TBC1D5: variants seen among roughly 807,000 people sequenced by gnomAD.
The protein encoded by TBC1D5 is TBC1 domain family, member 5.
TBC1D5 carries 75 observed loss-of-function variants against 100.3 expected under a neutral mutation model. The ratio of observed to expected loss-of-function variants is 0.75; its 90% CI spans 0.62 to 0.91. The LOEUF is 0.91. Among genes scored for constraint, TBC1D5 ranks in the 40% least tolerant of loss-of-function variants. The probability of loss-of-function intolerance (pLI) is 0.00; values close to 1 mark genes in which losing one functional copy is unlikely to be tolerated. For missense variants in TBC1D5, 910 were observed against 942.4 expected (o/e 0.97, Z 0.45); for synonymous variants, 323 against 325.6 (o/e 0.99, Z 0.09).
chr3:17,736,485 G>C (rs2153998570), intron 1 of TBC1D5, among the ~76,000 whole-genome samples: 1 of 152,218 alleles, frequency 6.6e-6, no homozygotes, highest in South Asian at 2.1e-4. Context: ...GGAAGTAAAA[G>C]GGGTCTAGTT....
At chr3:17,631,043 CAAA>C (rs67069718) in intron 1 of TBC1D5, among the ~76,000 whole-genome samples, 3 of 29,406 alleles carry the variant, frequency 1.0e-4, no homozygotes, top group African/African-American at 1.3e-4. Context: ...GACTCCGTCT[CAAA>C]AAAAAAAAAA....
exon 14 of TBC1D5, chr3:17,308,104 C>T (rs768563503): frequency 1.0e-5 from 16 of 1,599,630 alleles, no homozygotes; most frequent in Non-Finnish European, 2.5e-6. Context: ...GCAGGGGGAA[C>T]TCTCGTCCAA....
chr3:17,375,455 T>C (rs943180898), intron 10 of TBC1D5, among the ~76,000 whole-genome samples: 7 of 151,936 alleles, frequency 4.6e-5, no homozygotes, highest in African/African-American at 1.7e-4. Context: ...TAGTCTCAGC[T>C]ACTCGGGAGT....
chr3:17,649,464 CTAAAA>C (rs1180303437), intron 1 of TBC1D5, among the ~76,000 whole-genome samples: 1 of 151,926 alleles, frequency 6.6e-6, no homozygotes, highest in Non-Finnish European at 1.5e-5. Flanking sequence ...ACCTCCAAAC[CTAAAA>C]TAAAAGTTAA....
chr3:17,432,381 T>C (rs1282663324), intron 3 of TBC1D5, among the ~76,000 whole-genome samples: 2 of 152,196 alleles, frequency 1.3e-5, no homozygotes, highest in Non-Finnish European at 2.9e-5. Flanking sequence ...GAATAAAGTA[T>C]ATTCATGTGT....
At chr3:17,233,908 A>G (rs1203791241) in intron 17 of TBC1D5, among the ~76,000 whole-genome samples, 158 bp from the exon 18 acceptor site, 2 of 152,178 alleles carry the variant, frequency 1.3e-5, no homozygotes, top group African/African-American at 4.8e-5. Context: ...AAATATTTTC[A>G]AAGAAAATAA....
Position 17,190,317 on chromosome 3 carries a change from G to A in TBC1D5, c.1753-5109C>T, listed in dbSNP as rs181776507. On this transcript the variant is annotated intron_variant, in intron 18 of 21. Coordinates refer to ENST00000253692, the Ensembl canonical transcript of TBC1D5. The stretch of plus-strand genomic sequence containing the variant: ...GATAAGTTCTGTAGAAGAGACGTGA[G>A]AGAGGACTCCTTACAATTCTGGAAA... 2.3e-3 allele frequency among the ~76,000 whole-genome samples: 354 copies of A among 152,336 alleles called. 3 individuals are homozygous for A. Among genetic ancestry groups the A allele is most frequent in the Middle Eastern group, 3.4e-3 (1 of 294 alleles).
intron 1 of TBC1D5, among the ~76,000 whole-genome samples, chr3:17,722,392 T>C (rs1301248919): frequency 1.3e-5 from 2 of 152,232 alleles, no homozygotes; most frequent in Non-Finnish European, 2.9e-5. Flanking sequence ...ATCTTTCATT[T>C]ATACCTTATG....
rs1329723682 is a variant in TBC1D5, at chr3:17,704,031, C to G, written c.-101+35312G>C. The stretch of plus-strand genomic sequence containing the variant: ...GAAGGTCAGCAGATAAACAAGTGAA[C>G]AAAGGTCTCTGGTTTTCCTAGGCAG... On this transcript the variant is annotated intron_variant, in intron 1 of 21. Transcript: ENST00000253692. 3.5e-5 allele frequency among the ~76,000 whole-genome samples: 5 copies of G among 141,490 alleles called. 1 individual carries two copies. The highest frequency in any genetic ancestry group is 6.1e-5 in the Non-Finnish European group (4 of 65,504). 92.8% of individuals were successfully genotyped at this position (141,490 alleles called of 152,430 possible).
chr3:17,676,507 C>T (rs2068655544), intron 1 of TBC1D5, among the ~76,000 whole-genome samples: 1 of 152,106 alleles, frequency 6.6e-6, no homozygotes, highest in Admixed American at 6.5e-5. Context: ...AAAGAGGACA[C>T]AAACAAATGG....
chr3:17,237,113 C>T (rs556957420), intron 17 of TBC1D5, among the ~76,000 whole-genome samples: 1 of 152,248 alleles, frequency 6.6e-6, no homozygotes, highest in African/African-American at 2.4e-5. Context: ...GACAATATTA[C>T]TCATGTTACT....
At chr3:17,458,370 T>C (rs1305556061) in intron 3 of TBC1D5, among the ~76,000 whole-genome samples, 2 of 152,138 alleles carry the variant, frequency 1.3e-5, no homozygotes, top group African/African-American at 4.8e-5. Flanking sequence ...CACGTGGAGA[T>C]TATTCCCCCT....
intron 1 of TBC1D5, among the ~76,000 whole-genome samples, chr3:17,736,226 T>G (rs1477806415): frequency 1.3e-5 from 2 of 151,992 alleles, no homozygotes; most frequent in African/African-American, 4.8e-5. Flanking sequence ...ACCACTGCAC[T>G]CCAGCCTGAG....
chr3:17,297,744 G>T (rs2082405565), intron 14 of TBC1D5, among the ~76,000 whole-genome samples: 1 of 151,068 alleles, frequency 6.6e-6, no homozygotes, highest in African/African-American at 2.4e-5. Flanking sequence ...CATCATGCCT[G>T]GCTAATTCTT....
chr3:17,245,127 A>G (rs917625000), intron 16 of TBC1D5, among the ~76,000 whole-genome samples: 10 of 151,332 alleles, frequency 6.6e-5, no homozygotes, highest in African/African-American at 2.4e-4. Flanking sequence ...TGGGAGGTCG[A>G]GGCTGCAGTG....
At chr3:17,733,298 C>CT (rs1369122768) in intron 1 of TBC1D5, among the ~76,000 whole-genome samples, 2 of 152,168 alleles carry the variant, frequency 1.3e-5, no homozygotes, top group African/African-American at 4.8e-5. Flanking sequence ...GCTTGGGGAA[C>CT]TTTAAGTAGT....
intron 1 of TBC1D5, among the ~76,000 whole-genome samples, chr3:17,697,166 C>T (rs1321031887): frequency 1.3e-5 from 2 of 152,194 alleles, no homozygotes; most frequent in Non-Finnish European, 2.9e-5. Context: ...TGGGCAACAA[C>T]CGGAAGCATT....
chr3:17,698,160 A>C (rs2072462330), intron 1 of TBC1D5, among the ~76,000 whole-genome samples: 1 of 152,242 alleles, frequency 6.6e-6, no homozygotes, highest in South Asian at 2.1e-4. Context: ...AGGCTACAGT[A>C]ACCAAAGAAG....
intron 13 of TBC1D5, among the ~76,000 whole-genome samples, chr3:17,349,363 C>A (rs897064862): frequency 2.6e-5 from 4 of 152,170 alleles, no homozygotes; most frequent in African/African-American, 9.7e-5. Context: ...GCTGCTGGTT[C>A]TGGGATGACA....
Sources: allele counts gnomAD v4.1 joint callset (sites outside exome capture counted in the v4.1 genomes callset), GRCh38; gene constraint gnomAD v4.1.1; transcripts MANE v1.5; gene names NCBI Gene and HGNC (gene_info 2026-07-23, HGNC 2026-07-21).